Variants in NUSAP1 observed in about 807,000 individuals in gnomAD.
NUSAP1 encodes the protein nucleolar and spindle associated protein 1.
In NUSAP1, 32 loss-of-function variants were observed where a neutral mutation model predicts 52.8. The observed-to-expected ratio is 0.61, with a 90% CI of 0.46 to 0.81. The LOEUF (loss-of-function observed/expected upper bound fraction) is 0.81, where lower values mean the gene tolerates loss of function less well. NUSAP1 is among the 40% of genes least tolerant of loss of function. The pLI, the probability that NUSAP1 is intolerant of heterozygous loss-of-function variation, is 0.00. For synonymous variants in NUSAP1, 195 were observed against 183.1 expected (o/e 1.06, Z -0.52); for missense variants, 499 against 522.3 (o/e 0.96, Z 0.43).
intron 10 of NUSAP1, among the ~76,000 whole-genome samples, chr15:41,378,718 T>C (rs2050077060): frequency 6.6e-6 from 1 of 151,806 alleles, no homozygotes; most frequent in East Asian, 1.9e-4. Context: ...TGTGGCGAGC[T>C]GAAATTGCAC....
intron 10 of NUSAP1, among the ~76,000 whole-genome samples, chr15:41,377,799 A>T (rs2050018992): frequency 6.6e-6 from 1 of 150,454 alleles, no homozygotes; most frequent in Admixed American, 6.8e-5. Context: ...GGTCAGATCG[A>T]GACCATCCTG....
At position 41,371,685 on chromosome 15, in the gene NUSAP1, G is replaced by T. The variant is rs1186246719; in HGVS notation, c.1006+1G>T. ...ACCATCACGGGGAATTCTGCTGCTGGTAAAAAAAAAAAAAAACAAAAGAAA... is the reference window on the plus strand; with the variant it reads ...ACCATCACGGGGAATTCTGCTGCTGTTAAAAAAAAAAAAAAACAAAAGAAA... On this transcript the variant is annotated splice_donor_variant, in intron 8 of 10. Transcript: ENST00000559596. LOFTEE classifies it high-confidence loss of function. 5 of 1,560,784 alleles carry T rather than the reference G, an allele frequency of 3.2e-6. No homozygotes were observed. In the Middle Eastern group the frequency reaches 5.1e-4, roughly 161 times the overall value.
At chr15:41,377,046 A>T in intron 9 of NUSAP1, 150 bp from the exon 10 acceptor site, 1 of 534,400 alleles carries the variant, frequency 1.9e-6, no homozygotes, top group Non-Finnish European at 3.4e-6. Context: ...ACACCACTGC[A>T]CTCCAAACTG....
intron 2 of NUSAP1, 120 bp from the exon 3 acceptor site, chr15:41,348,978 G>T: frequency 1.0e-6 from 1 of 964,388 alleles, no homozygotes; most frequent in Non-Finnish European, 1.5e-6. Flanking sequence ...TACCGCTAGA[G>T]AGTTTTAAAT....
At chr15:41,350,770 ATT>A (rs1389569907) in intron 3 of NUSAP1, among the ~76,000 whole-genome samples, 1 of 152,036 alleles carries the variant, frequency 6.6e-6, no homozygotes. Context: ...TAATCTTGCC[ATT>A]TCTATTTTCC....
intron 7 of NUSAP1, 80 bp downstream of exon 7, chr15:41,365,669 T>G: frequency 9.8e-7 from 1 of 1,021,132 alleles, no homozygotes; most frequent in Non-Finnish European, 1.4e-6. Flanking sequence ...AATTGGCAAA[T>G]AATATTCGTA....
intron 8 of NUSAP1, among the ~76,000 whole-genome samples, chr15:41,374,505 C>T (rs2049837140): frequency 2.0e-5 from 3 of 152,062 alleles, no homozygotes; most frequent in South Asian, 4.2e-4. Flanking sequence ...AATTTGGGAT[C>T]GCAGGAGATA....
rs75426159 is a variant in NUSAP1 at position 41,336,648 on chromosome 15, G to GTTTTTTTT, written c.93+3612_93+3619dup. Among the ~76,000 whole-genome samples the GTTTTTTTT allele has an allele frequency of 1.2e-3, 110 of 91,308 alleles. 1 individual carries two copies. The highest frequency in any genetic ancestry group is 2.9e-3 in the East Asian group (12 of 4,080). 59.9% of individuals were successfully genotyped at this position (91,308 alleles called of 152,430 possible). ...TGGGCATTTGATCCTCCTCCTTTTG[G>GTTTTTTTT]TTTTTTTTTTTTTTTTTTTTTGAGA... On this transcript the variant is annotated intron_variant, in intron 1 of 10. Transcript: ENST00000559596.
rs1414803116 is a variant in NUSAP1 at position 41,371,123 on chromosome 15, CA to C, written c.849-402del. On this transcript the variant is annotated intron_variant, in intron 7 of 10. Coordinates refer to ENST00000559596, the MANE Select transcript of NUSAP1 (RefSeq NM_016359.5). The stretch of plus-strand genomic sequence containing the variant: ...TGAATGACATTCTTTTAGGAACATA[CA>C]AGACCTGTTCTCACCACTCACCTAG... 2.0e-5 allele frequency among the ~76,000 whole-genome samples: 3 copies of C among 152,240 alleles called. No individual in the cohort carries two copies. In the East Asian group the frequency reaches 5.8e-4, roughly 29 times the overall value.
chr15:41,371,695 AAAAAAAC>A lies in NUSAP1; in HGVS notation c.1006+16_1006+22del. 1.3e-6 allele frequency: 2 copies of A among 1,579,552 alleles called. No individual in the cohort carries two copies. The highest frequency in any genetic ancestry group is 1.4e-5 in the African/African-American group (1 of 72,316). Reference sequence around the variant, plus strand: ...GGAATTCTGCTGCTGGTAAAAAAAAAAAAAAACAAAAGAAATCTGTTTCATTTTTAAG... The same window carrying A: ...GGAATTCTGCTGCTGGTAAAAAAAAAAAAAGAAATCTGTTTCATTTTTAAG... On this transcript the variant is annotated intron_variant, in intron 8 of 10. Transcript: ENST00000559596.
chr15:41,339,058 G>T (rs751802384), intron 1 of NUSAP1, among the ~76,000 whole-genome samples: 2 of 152,218 alleles, frequency 1.3e-5, no homozygotes, highest in South Asian at 4.1e-4. Context: ...TCTTTCCAGT[G>T]TAATGAGAGA....
At chr15:41,338,904 G>A (rs192685163) in intron 1 of NUSAP1, among the ~76,000 whole-genome samples, 120 of 152,132 alleles carry the variant, frequency 7.9e-4, no homozygotes, top group African/African-American at 2.1e-3. Flanking sequence ...GGTGGAGGCT[G>A]CAGTGAGCCA....
intron 1 of NUSAP1, among the ~76,000 whole-genome samples, chr15:41,337,881 T>C (rs2048217342): frequency 6.6e-6 from 1 of 151,748 alleles, no homozygotes; most frequent in South Asian, 2.1e-4. Flanking sequence ...CTAACTATGC[T>C]CTATCCCTCG....
At position 41,371,686 on chromosome 15, in the gene NUSAP1, T is replaced by TAAAAA; in HGVS notation, c.1006+13_1006+17dup. On this transcript the variant is annotated splice_region_variant and intron_variant, in intron 8 of 10. Transcript: ENST00000559596. ...CCATCACGGGGAATTCTGCTGCTGG[T>TAAAAA]AAAAAAAAAAAAAAACAAAAGAAAT... 2 of 1,314,624 alleles carry TAAAAA rather than the reference T, an allele frequency of 1.5e-6. No individual in the cohort carries two copies. Among genetic ancestry groups the TAAAAA allele is most frequent in the Non-Finnish European group, 2.1e-6 (2 of 968,956 alleles). 81.4% of individuals were successfully genotyped at this position (1,314,624 alleles called of 1,614,324 possible).
At chr15:41,333,425 G>C (rs1309732318) in intron 1 of NUSAP1, among the ~76,000 whole-genome samples, 1 of 152,034 alleles carries the variant, frequency 6.6e-6, no homozygotes, top group Non-Finnish European at 1.5e-5. Flanking sequence ...TAAATAATTG[G>C]CTCAGCTTCT....
At chr15:41,376,003 T>A (rs1002194598) in intron 9 of NUSAP1, among the ~76,000 whole-genome samples, 175 bp downstream of exon 9, 1 of 151,890 alleles carries the variant, frequency 6.6e-6, no homozygotes, top group Non-Finnish European at 1.5e-5. Flanking sequence ...TAGGTGGAGG[T>A]TGCAGTGAGC....
chr15:41,357,746 A>G (rs972621460), intron 5 of NUSAP1, among the ~76,000 whole-genome samples: 1 of 152,182 alleles, frequency 6.6e-6, no homozygotes, highest in Non-Finnish European at 1.5e-5. Flanking sequence ...TGACCAGCCA[A>G]GTCTTAAATA....
Position 41,358,162 on chromosome 15 carries a change from T to G in NUSAP1, c.564T>G (p.Leu188=), listed in dbSNP as rs1404652410. 1 of 1,509,708 alleles carries G rather than the reference T, an allele frequency of 6.6e-7. No individual in the cohort carries two copies. 93.5% of individuals were successfully genotyped at this position (1,509,708 alleles called of 1,614,324 possible). ...TAITTPNFKK[L]HEAHFKEMES... ...GGAACATTCTAGACTTTAAGAAGCT[T>G]CATGAAGCTCATTTTAAGGAAATGG... Residue 188 remains leucine (L), a synonymous_variant, in exon 6 of 11, where the codon CTT becomes CTG. Transcript: ENST00000559596.
chr15:41,379,142 C>T (rs750212438), intron 10 of NUSAP1, among the ~76,000 whole-genome samples: 5 of 151,442 alleles, frequency 3.3e-5, no homozygotes, highest in Admixed American at 6.6e-5. Context: ...TTAGTAGAGA[C>T]GGGGTTTTAC....
Sources: allele counts gnomAD v4.1 joint callset (sites outside exome capture counted in the v4.1 genomes callset), GRCh38; gene constraint gnomAD v4.1.1; transcripts MANE v1.5; gene names NCBI Gene and HGNC (gene_info 2026-07-23, HGNC 2026-07-21).